Variants in CNTNAP4 observed in about 807,000 individuals in gnomAD.
The protein encoded by CNTNAP4 is contactin-associated protein-like 4.
A neutral mutation model predicts 148.4 loss-of-function variants in CNTNAP4; 98 were observed. The observed-to-expected ratio is 0.66, with a 90% confidence interval of 0.56 to 0.78. The LOEUF (loss-of-function observed/expected upper bound fraction) is 0.78. CNTNAP4 is among the 30% of genes least tolerant of loss of function. CNTNAP4 has a pLI of 0.00. For missense variants in CNTNAP4, 1,935 were observed against 1,565.6 expected, an observed-to-expected ratio of 1.24 and a Z score of -3.98; for synonymous variants, 730 against 565.1, an observed-to-expected ratio of 1.29 and a Z score of -4.14.
chr16:76,408,412 A>C (rs900507594), intron 3 of CNTNAP4, among the ~76,000 whole-genome samples: 3 of 151,410 alleles, frequency 2.0e-5, no homozygotes, highest in Admixed American at 6.6e-5. Flanking sequence ...TTAACAATTA[A>C]CAACCACCAC....
intron 5 of CNTNAP4, 59 bp from the exon 6 acceptor site, chr16:76,448,708 C>T (rs1568211233): frequency 2.3e-5 from 24 of 1,022,018 alleles, no homozygotes; most frequent in Admixed American, 3.4e-5. Flanking sequence ...AGAAGGGAAC[C>T]TTTTTTTTTT....
chr16:76,282,952 A>G (rs1366616666), intron 1 of CNTNAP4, among the ~76,000 whole-genome samples: 1 of 151,806 alleles, frequency 6.6e-6, no homozygotes, highest in Non-Finnish European at 1.5e-5. Flanking sequence ...TCAGCTTTAA[A>G]TGAAGATTTC....
At chr16:76,340,272 C>A (rs934941739) in intron 2 of CNTNAP4, among the ~76,000 whole-genome samples, 1 of 152,256 alleles carries the variant, frequency 6.6e-6, no homozygotes, top group African/African-American at 2.4e-5. Flanking sequence ...AAGTTCCCCC[C>A]CAAATCCTAT....
At position 76,489,757 on chromosome 16, in the gene CNTNAP4, C is replaced by T. The variant is rs2082145763; in HGVS notation, c.1954C>T (p.Pro652Ser). 2 of 1,604,766 alleles carry T rather than the reference C, an allele frequency of 1.2e-6. No homozygotes were observed. The highest frequency in any genetic ancestry group is 2.2e-5 in the South Asian group (2 of 89,052). ...TRVRNTNPENPYAGFFEYVAS... is the reference protein window; with the variant it reads ...TRVRNTNPENSYAGFFEYVAS... Reference sequence around the variant, plus strand: ...AGTCAGAAATACTAATCCAGAGAACCCATATGCTGGGTTTTTCGAGTATGT... The same window carrying T: ...AGTCAGAAATACTAATCCAGAGAACTCATATGCTGGGTTTTTCGAGTATGT... Residue 652 changes from proline to serine, a missense_variant, in exon 13 of 24, where the codon CCA becomes TCA. Physicochemically the swap from Pro to Ser is moderately conservative, Grantham distance 74. Coordinates refer to ENST00000611870, the MANE Select transcript of CNTNAP4 (RefSeq NM_033401.5).
intron 6 of CNTNAP4, among the ~76,000 whole-genome samples, chr16:76,449,203 A>ACATC (rs1433316746): frequency 6.6e-6 from 1 of 152,182 alleles, no homozygotes; most frequent in Non-Finnish European, 1.5e-5. Context: ...TAGTCACAGA[A>ACATC]CATCATATGC....
intron 15 of CNTNAP4, among the ~76,000 whole-genome samples, chr16:76,516,978 C>T (rs1330346566): frequency 1.3e-5 from 2 of 152,160 alleles, no homozygotes; most frequent in Non-Finnish European, 2.9e-5. Context: ...GCAGGAGAAT[C>T]GCTTCAACCC....
In CNTNAP4 at chr16:76,377,389, G is replaced by C. The variant is rs16944319; in HGVS notation, c.390+21878G>C. Among the ~76,000 whole-genome samples the C allele has an allele frequency of 9.9e-3, 1,501 of 152,186 alleles. 26 individuals carry two copies. Among genetic ancestry groups the C allele is most frequent in the African/African-American group, 0.034 (1,420 of 41,508 alleles). ...GTCTAAGGAAGCATGGAGTTACTGA[G>C]GCTGAAAAGCAAATAAAAATGGAAT... On this transcript the variant is annotated intron_variant, in intron 3 of 23. Coordinates refer to ENST00000611870, the MANE Select transcript of CNTNAP4 (RefSeq NM_033401.5).
intron 7 of CNTNAP4, among the ~76,000 whole-genome samples, chr16:76,451,921 A>G (rs1472632767): frequency 1.3e-5 from 2 of 152,190 alleles, no homozygotes; most frequent in Non-Finnish European, 2.9e-5. Flanking sequence ...TAAATGTTTG[A>G]AATGATGGAC....
chr16:76,388,030 A>C (rs1813724800), intron 3 of CNTNAP4, among the ~76,000 whole-genome samples: 1 of 152,152 alleles, frequency 6.6e-6, no homozygotes, highest in African/African-American at 2.4e-5. Context: ...TTGCCAGTCT[A>C]TTTTGCCCCA....
intron 21 of CNTNAP4, among the ~76,000 whole-genome samples, chr16:76,541,102 A>G (rs1399883400): frequency 2.0e-5 from 3 of 152,210 alleles, no homozygotes; most frequent in East Asian, 1.9e-4. Context: ...AAAAAATAAC[A>G]AAGTATGTAT....
chr16:76,547,638 T>G (rs1380639869), intron 21 of CNTNAP4, among the ~76,000 whole-genome samples: 2 of 152,230 alleles, frequency 1.3e-5, no homozygotes, highest in Non-Finnish European at 2.9e-5. Context: ...TCTGTTCATT[T>G]TTATGTTATA....
intron 3 of CNTNAP4, among the ~76,000 whole-genome samples, chr16:76,385,714 A>G (rs1315016722): frequency 2.6e-5 from 4 of 152,170 alleles, no homozygotes; most frequent in South Asian, 2.1e-4. Flanking sequence ...TTGTCCACCC[A>G]TCAATACGTA....
At chr16:76,406,937 A>G (rs112310133) in intron 3 of CNTNAP4, among the ~76,000 whole-genome samples, 2,364 of 152,272 alleles carry the variant, frequency 0.016, 39 homozygotes, top group African/African-American at 0.048. Context: ...GATCATAGGT[A>G]AAGGTGGCTA....
intron 4 of CNTNAP4, among the ~76,000 whole-genome samples, chr16:76,447,338 G>GTA (rs147278697): frequency 0.19 from 22,765 of 117,304 alleles, 2,068 homozygotes; most frequent in East Asian, 0.4. Flanking sequence ...ATGAAATTAT[G>GTA]TATATATATA....
chr16:76,335,701 G>A (rs1003513676), intron 2 of CNTNAP4, among the ~76,000 whole-genome samples: 10 of 152,134 alleles, frequency 6.6e-5, no homozygotes, highest in Admixed American at 1.3e-4. Flanking sequence ...GAAAAGTCAC[G>A]AAGTCATTCT....
Position 76,542,559 on chromosome 16 carries a change from A to T in CNTNAP4, c.3442+1769A>T, listed in dbSNP as rs192038502. Among the ~76,000 whole-genome samples, 520 of 152,182 alleles carry T rather than the reference A, an allele frequency of 3.4e-3. 2 individuals are homozygous for T. Among genetic ancestry groups the T allele is most frequent in the Non-Finnish European group, 5.9e-3 (398 of 68,008 alleles). On this transcript the variant is annotated intron_variant, in intron 21 of 23. Coordinates refer to ENST00000611870, the MANE Select transcript of CNTNAP4 (RefSeq NM_033401.5). ...AAGCGTGCAGGTGGCTGGGAAAGGG[A>T]TGAGAGCCCCAGAGAGACCCAGGAT... is the stretch of plus-strand genomic sequence containing the variant.
At chr16:76,419,701 A>G (rs559898004) in intron 3 of CNTNAP4, among the ~76,000 whole-genome samples, 1 of 152,024 alleles carries the variant, frequency 6.6e-6, no homozygotes, top group Admixed American at 6.6e-5. Context: ...GCTATAACCA[A>G]TACCATAGAC....
intron 17 of CNTNAP4, among the ~76,000 whole-genome samples, chr16:76,530,715 T>C (rs556971404): frequency 1.3e-5 from 2 of 152,330 alleles, no homozygotes; most frequent in East Asian, 3.9e-4. Flanking sequence ...TGAACCACGA[T>C]AGTTCTTTGA....
intron 3 of CNTNAP4, among the ~76,000 whole-genome samples, chr16:76,379,264 A>C (rs907350025): frequency 2.0e-5 from 3 of 152,172 alleles, no homozygotes; most frequent in African/African-American, 4.8e-5. Context: ...CTATAGAAGC[A>C]TGTCAGGGAA....
Sources: gnomAD v4.1 joint callset for allele counts (sites outside exome capture counted in the v4.1 genomes callset) on GRCh38, gnomAD v4.1.1 for gene constraint, MANE v1.5 for transcripts, NCBI Gene and HGNC (gene_info 2026-07-23, HGNC 2026-07-21) for gene names.